TRMT2B: variants seen among roughly 807,000 people sequenced by gnomAD.
TRMT2B encodes the protein tRNA methyltransferase 2B, also known as tRNA (uracil-5-)-methyltransferase homolog B.
Under a neutral mutation model 39.7 loss-of-function variants are expected in TRMT2B, and 34 were observed. The observed-to-expected ratio is 0.86, with a 90% CI of 0.65 to 1.14. The LOEUF (loss-of-function observed/expected upper bound fraction) is 1.14. Among genes scored for constraint, TRMT2B ranks in the 50% most tolerant of loss-of-function variants. The pLI is 0.00. For synonymous variants in TRMT2B, 132 were observed against 137.3 expected, an observed-to-expected ratio of 0.96 and a Z score of 0.27; for missense variants, 318 against 377.2, an observed-to-expected ratio of 0.84 and a Z score of 1.30.
At chrX:100,990,842 C>T in the TRMT2B span, 1 of 307,260 alleles carries the variant, frequency 3.3e-6, no homozygotes, top group Non-Finnish European at 5.8e-6. Flanking sequence ...TTATGCTCTA[C>T]TGAATCATTT....
Position 101,016,610 on chromosome X carries a change from G to A in TRMT2B, c.1388+2361C>T, listed in dbSNP as rs190331140. On this transcript the variant is annotated intron_variant, in intron 13 of 13. Transcript: ENST00000372936. ...TCATGCCAAGTAGCTGGGATTACAG[G>A]CATGTGCCACTACGCCCAGCTAATT... 1.3e-4 allele frequency among the ~76,000 whole-genome samples: 14 copies of A among 106,433 alleles called. No homozygotes were observed. In the East Asian group the frequency reaches 4.1e-3, roughly 31 times the overall value. The allele number at this position is 106,433 out of a possible 115,157, so 92.4% of individuals were successfully genotyped here. A position where few individuals can be genotyped will look rare whatever the true frequency, so the allele number is the denominator to read the frequency against.
At chrX:100,984,762 G>C in the TRMT2B span, among the ~76,000 whole-genome samples, 9 of 112,183 alleles carry the variant, frequency 8.0e-5, no homozygotes, top group African/African-American at 2.9e-4. Flanking sequence ...GAAAGAGAGA[G>C]AGAAGTGAGA....
chrX:100,985,594 G>A, the TRMT2B span: 13 of 1,119,743 alleles, frequency 1.2e-5, no homozygotes, highest in Admixed American at 1.1e-4. Flanking sequence ...AATCGGAACC[G>A]ACTCTACTCC....
intron 6 of TRMT2B, among the ~76,000 whole-genome samples, chrX:101,036,744 G>A (rs2087867244): frequency 8.9e-6 from 1 of 111,764 alleles, no homozygotes; most frequent in African/African-American, 3.2e-5. Flanking sequence ...CTAGGTATCA[G>A]GCATATATGG....
chrX:101,027,046 G>A (rs369769919), intron 7 of TRMT2B, among the ~76,000 whole-genome samples: 37 of 110,657 alleles, frequency 3.3e-4, no homozygotes, highest in African/African-American at 1.2e-3. Context: ...TCTGAATCAA[G>A]TCACCACTAC....
chrX:101,038,077 C>T (rs371335825), intron 4 of TRMT2B, 26 bp from the exon 5 acceptor site: 5 of 1,200,273 alleles, frequency 4.2e-6, no homozygotes, highest in Non-Finnish European at 5.6e-6. Context: ...AGCTATGAAA[C>T]GAAATACTGG....
chrX:100,983,143 G>A, the TRMT2B span, among the ~76,000 whole-genome samples: 1 of 110,369 alleles, frequency 9.1e-6, no homozygotes, highest in Non-Finnish European at 1.9e-5. Flanking sequence ...CGTTAATAGA[G>A]GAAATAAGAT....
chrX:101,051,703 C>T lies in TRMT2B; in HGVS notation c.-476G>A. ...CCGCCTGCCTCCTCCATTCCCCGCC[C>T]CGCGGACAGTTTGGCATAGTAGGGA... On this transcript the variant is annotated 5_prime_UTR_variant, in exon 2 of 14. Transcript: ENST00000372936. The T allele has an allele frequency of 6.6e-6, 5 of 755,092 alleles. No individual in the cohort carries two copies. Among genetic ancestry groups the T allele is most frequent in the Non-Finnish European group, 7.8e-6 (5 of 639,550 alleles). The allele number at this position is 755,092 out of a possible 1,213,427, so 62.2% of individuals were successfully genotyped here.
At chrX:100,995,388 T>C in the TRMT2B span, among the ~76,000 whole-genome samples, 3 of 111,903 alleles carry the variant, frequency 2.7e-5, no homozygotes, top group Non-Finnish European at 5.6e-5. Context: ...GAGGAAACAA[T>C]TGTTATCCCA....
At chrX:101,023,784 A>T (rs766549991) in intron 7 of TRMT2B, among the ~76,000 whole-genome samples, 168 bp from the exon 8 acceptor site, 1 of 112,012 alleles carries the variant, frequency 8.9e-6, no homozygotes, top group Non-Finnish European at 1.9e-5. Context: ...GGGCCTTTAA[A>T]GAGGTGATTT....
downstream of TRMT2B, among the ~76,000 whole-genome samples, chrX:101,005,740 G>A (rs914897033): frequency 2.2e-4 from 23 of 106,571 alleles, no homozygotes; most frequent in South Asian, 8.4e-4. Context: ...AATTAGCCAG[G>A]CATGATGGCG....
chrX:101,035,467 T>C, intron 7 of TRMT2B, 146 bp downstream of exon 7: 1 of 510,333 alleles, frequency 2.0e-6, no homozygotes. Context: ...CAATGTTTTC[T>C]CCATAGTTAG....
downstream of TRMT2B, among the ~76,000 whole-genome samples, chrX:101,008,481 G>T (rs1423257778): frequency 2.7e-5 from 3 of 110,920 alleles, no homozygotes; most frequent in Admixed American, 9.7e-5. Context: ...AATTAGCTGG[G>T]TGTGGTGGCA....
At chrX:100,986,871 A>G in the TRMT2B span, 4 of 1,200,526 alleles carry the variant, frequency 3.3e-6, no homozygotes, top group Admixed American at 4.4e-5. Context: ...TAAAGAAGCT[A>G]GTGAAAGAGA....
Position 101,051,811 on chromosome X carries a change from A to T in TRMT2B, c.-507+6T>A, listed in dbSNP as rs1339893062. On this transcript the variant is annotated splice_donor_region_variant and intron_variant, in intron 1 of 13. Coordinates refer to ENST00000372936, the MANE Select transcript of TRMT2B (RefSeq NM_024917.6). ...TCCTTCGTAACCAATAAATCCTCTT[A>T]CAAACCTGAGGCGGCAAACTAAAAG... 1.9e-6 allele frequency: 1 copy of T among 524,213 alleles called. No individual in the cohort carries two copies. The highest frequency in any genetic ancestry group is 2.3e-6 in the Non-Finnish European group (1 of 429,554). 43.2% of individuals were successfully genotyped at this position (524,213 alleles called of 1,213,427 possible). A position where few individuals can be genotyped will look rare whatever the true frequency, so the allele number is the denominator to read the frequency against.
At chrX:101,047,531 T>A (rs977538573) in intron 2 of TRMT2B, among the ~76,000 whole-genome samples, 6 of 111,160 alleles carry the variant, frequency 5.4e-5, no homozygotes, top group East Asian at 2.9e-4. Flanking sequence ...TTTGTTTGTT[T>A]TAAAAATGAG....
chrX:101,028,820 G>A lies in TRMT2B; in HGVS notation c.610-5204C>T, dbSNP rs1020809585. 4.5e-5 allele frequency among the ~76,000 whole-genome samples: 5 copies of A among 111,001 alleles called. No individual in the cohort carries two copies. In the Admixed American group the frequency reaches 4.8e-4, roughly 11 times the overall value. ...TTATGGGGGTGGACCTCCCCTTGCTGTTCTGGTGATGGAGTTCTCACAGGA... is the reference window on the plus strand; with the variant it reads ...TTATGGGGGTGGACCTCCCCTTGCTATTCTGGTGATGGAGTTCTCACAGGA... On this transcript the variant is annotated intron_variant, in intron 7 of 13. Coordinates refer to ENST00000372936, the MANE Select transcript of TRMT2B (RefSeq NM_024917.6).
At chrX:100,986,917 T>G in the TRMT2B span, 3 of 1,082,408 alleles carry the variant, frequency 2.8e-6, no homozygotes, top group Non-Finnish European at 3.8e-6. Flanking sequence ...TGTCAACCTC[T>G]TCCTTCCCTC....
chrX:101,034,592 A>T (rs950890734), intron 7 of TRMT2B, among the ~76,000 whole-genome samples: 4 of 112,167 alleles, frequency 3.6e-5, no homozygotes, highest in South Asian at 3.7e-4. Context: ...ATATTTTTTT[A>T]AAGTATAAAA....
Sources: gnomAD v4.1 joint callset for allele counts (sites outside exome capture counted in the v4.1 genomes callset) on GRCh38, gnomAD v4.1.1 for gene constraint, MANE v1.5 for transcripts, NCBI Gene and HGNC (gene_info 2026-07-23, HGNC 2026-07-21) for gene names.